RBMS1: variants seen among roughly 807,000 people sequenced by gnomAD.
RBMS1 encodes the protein RNA-binding motif, single-stranded-interacting protein 1.
Under a neutral mutation model 62.3 loss-of-function variants are expected in RBMS1, and 17 were observed. The observed-to-expected ratio is 0.27, with a 90% confidence interval of 0.19 to 0.41. The LOEUF is 0.41. Ranked by LOEUF, RBMS1 falls within the 10% of genes least tolerant of loss-of-function variation. The pLI is 1.00. For synonymous variants in RBMS1, 172 were observed against 170.0 expected, an observed-to-expected ratio of 1.01 and a Z score of -0.09; for missense variants, 334 against 504.5, an observed-to-expected ratio of 0.66 and a Z score of 3.24.
chr2:160,273,217 A>G lies in RBMS1; in HGVS notation c.*1555T>C, dbSNP rs1559295415. On this transcript the variant is annotated 3_prime_UTR_variant, in exon 14 of 14. Transcript: ENST00000348849. Reference sequence around the variant, plus strand: ...TAGTTTCAAAATTGGTTTTCTTTACACTTGAACACTTGTAGTGATGATGTA... The same window carrying G: ...TAGTTTCAAAATTGGTTTTCTTTACGCTTGAACACTTGTAGTGATGATGTA... 1 of 152,244 alleles carries G rather than the reference A, an allele frequency of 6.6e-6. No individual in the cohort carries two copies. The highest frequency in any genetic ancestry group is 1.5e-5 in the Non-Finnish European group (1 of 68,052). The allele number at this position is 152,244 out of a possible 1,614,324, so 9.4% of individuals were successfully genotyped here.
In RBMS1 at chr2:160,311,520, T is replaced by C. The variant is rs115531956; in HGVS notation, c.402+1636A>G. 9.4e-3 allele frequency among the ~76,000 whole-genome samples: 1,435 copies of C among 152,162 alleles called. 12 individuals carry two copies. The highest frequency in any genetic ancestry group is 0.015 in the Non-Finnish European group (994 of 68,008). ...GTCCTTTAACTTCTATGAACCTTCT[T>C]ATGTGTATGTAAATGCTTCTCAGGG... On this transcript the variant is annotated intron_variant, in intron 4 of 13. Transcript: ENST00000348849.
At chr2:160,322,772 A>G (rs1029760958) in intron 2 of RBMS1, among the ~76,000 whole-genome samples, 2 of 152,152 alleles carry the variant, frequency 1.3e-5, no homozygotes, top group African/African-American at 4.8e-5. Context: ...AGAAGATGCA[A>G]CCCTTGAAAT....
At chr2:160,454,849 T>C (rs1684152338) in intron 1 of RBMS1, among the ~76,000 whole-genome samples, 1 of 152,216 alleles carries the variant, frequency 6.6e-6, no homozygotes, top group Non-Finnish European at 1.5e-5. Flanking sequence ...AAATTTCTTT[T>C]AGGTAGAATT....
At chr2:160,448,985 C>T (rs1298664441) in intron 1 of RBMS1, among the ~76,000 whole-genome samples, 2 of 151,974 alleles carry the variant, frequency 1.3e-5, no homozygotes, top group Admixed American at 6.6e-5. Context: ...GCCCGACCGC[C>T]ACCCTGTCTG....
intron 1 of RBMS1, among the ~76,000 whole-genome samples, chr2:160,379,138 G>A (rs1694151460): frequency 6.6e-6 from 1 of 151,886 alleles, no homozygotes; most frequent in Non-Finnish European, 1.5e-5. Flanking sequence ...AGGATCACTT[G>A]AGCCCAGTTG....
At chr2:160,354,646 A>T (rs991525154) in intron 2 of RBMS1, among the ~76,000 whole-genome samples, 2 of 152,128 alleles carry the variant, frequency 1.3e-5, no homozygotes, top group African/African-American at 2.4e-5. Context: ...TCCTTTGTAA[A>T]TCTGGAAATC....
At chr2:160,448,529 C>A (rs1354450024) in intron 1 of RBMS1, among the ~76,000 whole-genome samples, 1 of 152,250 alleles carries the variant, frequency 6.6e-6, no homozygotes, top group African/African-American at 2.4e-5. Flanking sequence ...CTCCTGACCG[C>A]GAGTAATCTG....
intron 1 of RBMS1, among the ~76,000 whole-genome samples, chr2:160,474,049 G>C (rs1001271345): frequency 6.6e-6 from 1 of 151,884 alleles, no homozygotes; most frequent in African/African-American, 2.4e-5. Context: ...ATACATAAAG[G>C]TTAAAAACTT....
intron 1 of RBMS1, among the ~76,000 whole-genome samples, chr2:160,374,327 A>T (rs933038201): frequency 6.6e-6 from 1 of 152,200 alleles, no homozygotes; most frequent in Admixed American, 6.5e-5. Flanking sequence ...GGGTAGAGTA[A>T]GAAGAGGAGT....
At chr2:160,491,784 A>G (rs1313466093) in intron 1 of RBMS1, among the ~76,000 whole-genome samples, 1 of 152,216 alleles carries the variant, frequency 6.6e-6, no homozygotes, top group African/African-American at 2.4e-5. Flanking sequence ...ATTTCTTTGA[A>G]CAGCTACCAT....
chr2:160,493,220 C>T, intron 1 of RBMS1, 69 bp downstream of exon 1: 2 of 1,484,714 alleles, frequency 1.3e-6, no homozygotes, highest in South Asian at 2.3e-5. Flanking sequence ...CCCCCCTCCC[C>T]AGGCCTGACC....
intron 1 of RBMS1, among the ~76,000 whole-genome samples, chr2:160,435,850 G>C (rs933351947): frequency 6.6e-6 from 1 of 152,192 alleles, no homozygotes; most frequent in African/African-American, 2.4e-5. Flanking sequence ...TAATGACTTA[G>C]AGTGTGTAAC....
chr2:160,295,682 C>A (rs1009655386), intron 6 of RBMS1, among the ~76,000 whole-genome samples: 8 of 152,268 alleles, frequency 5.3e-5, no homozygotes, highest in Admixed American at 2.0e-4. Context: ...AGTCTGCAAA[C>A]CCCCTTCAAA....
chr2:160,392,144 G>C (rs749962848), intron 1 of RBMS1, among the ~76,000 whole-genome samples: 2 of 151,976 alleles, frequency 1.3e-5, no homozygotes, highest in African/African-American at 4.8e-5. Flanking sequence ...GTTTTATTTT[G>C]TACCTACCTA....
intron 12 of RBMS1, 147 bp from the exon 13 acceptor site, chr2:160,275,861 A>T: frequency 8.4e-7 from 1 of 1,189,086 alleles, no homozygotes. Context: ...TTCAAGGTTA[A>T]TCATTTCCCT....
At chr2:160,483,341 A>T (rs1685447243) in intron 1 of RBMS1, among the ~76,000 whole-genome samples, 1 of 152,218 alleles carries the variant, frequency 6.6e-6, no homozygotes, top group Non-Finnish European at 1.5e-5. Context: ...ATCACATTTA[A>T]GTTTCAATCT....
intron 1 of RBMS1, among the ~76,000 whole-genome samples, chr2:160,430,490 T>A (rs1443142311): frequency 3.3e-5 from 5 of 152,178 alleles, no homozygotes; most frequent in Non-Finnish European, 7.4e-5. Flanking sequence ...GAGAGAGATG[T>A]TTCTCTTAAG....
At position 160,275,651 on chromosome 2, in the gene RBMS1, G is replaced by T. The variant is rs779227462; in HGVS notation, c.1207C>A (p.Gln403Lys). ...TSNDHSPYTFQPNK is the reference protein window; with the variant it reads ...TSNDHSPYTFKPNK ...ATACCTCACAGTTACTTATTAGGTT[G>T]AAAGGTATATGGAGAATGGTCATTA... The change falls in exon 13 of 14, where the codon CAA becomes AAA. Residue 403 changes from glutamine (Q) to lysine (K), a missense_variant. Gln to Lys is a moderately conservative substitution (Grantham distance 53). Coordinates refer to ENST00000348849, the MANE Select transcript of RBMS1 (RefSeq NM_016836.4). 4.9e-5 allele frequency: 79 copies of T among 1,613,500 alleles called. No individual in the cohort carries two copies. The highest frequency in any genetic ancestry group is 6.6e-5 in the Non-Finnish European group (78 of 1,179,656).
chr2:160,402,589 C>T (rs1241348298), intron 1 of RBMS1, among the ~76,000 whole-genome samples: 1 of 151,958 alleles, frequency 6.6e-6, no homozygotes, highest in African/African-American at 2.4e-5. Context: ...ATAAAACAAA[C>T]AAAAAAACAC....
Sources: gnomAD v4.1 joint callset for allele counts (sites outside exome capture counted in the v4.1 genomes callset) on GRCh38, gnomAD v4.1.1 for gene constraint, MANE v1.5 for transcripts, NCBI Gene and HGNC (gene_info 2026-07-23, HGNC 2026-07-21) for gene names.